NUCB2: variants seen among roughly 807,000 people sequenced by gnomAD.
The protein encoded by NUCB2 is nucleobindin 2.
Under a neutral mutation model 57.9 loss-of-function variants are expected in NUCB2, and 48 were observed. The ratio of observed to expected loss-of-function variants is 0.83; its 90% CI spans 0.66 to 1.05. The LOEUF (loss-of-function observed/expected upper bound fraction) is 1.05, where lower values mean the gene tolerates loss of function less well. NUCB2 is among the 50% of genes least tolerant of loss of function. The probability of loss-of-function intolerance (pLI) is 0.00; values close to 1 mark genes in which losing one functional copy is unlikely to be tolerated. For synonymous variants in NUCB2, 139 were observed against 152.1 expected (o/e 0.91, Z 0.64); for missense variants, 442 against 476.2 (o/e 0.93, Z 0.67).
intron 11 of NUCB2, among the ~76,000 whole-genome samples, chr11:17,319,287 G>C (rs1028586140): frequency 1.3e-5 from 2 of 152,138 alleles, no homozygotes; most frequent in African/African-American, 4.8e-5. Context: ...AATTGTCCCA[G>C]ACTTGGCCAG....
At chr11:17,345,749 C>T (rs959566978) in intron 2 of NUCB2, among the ~76,000 whole-genome samples, 3 of 152,014 alleles carry the variant, frequency 2.0e-5, no homozygotes, top group South Asian at 4.1e-4. Flanking sequence ...GGGCTGAAAA[C>T]GTTATTTTTA....
At chr11:17,299,779 C>G (rs1308744554) in intron 4 of NUCB2, among the ~76,000 whole-genome samples, 1 of 152,034 alleles carries the variant, frequency 6.6e-6, no homozygotes, top group African/African-American at 2.4e-5. Flanking sequence ...TGGCATGCAT[C>G]TGTAGTCCTA....
intron 1 of NUCB2, among the ~76,000 whole-genome samples, chr11:17,280,570 C>T (rs897411214): frequency 1.3e-5 from 2 of 152,318 alleles, no homozygotes; most frequent in Admixed American, 6.5e-5. Flanking sequence ...AAGCAATCCA[C>T]GTTTCCTAGC....
At chr11:17,321,371 G>A (rs1162860924) in intron 11 of NUCB2, among the ~76,000 whole-genome samples, 2 of 151,888 alleles carry the variant, frequency 1.3e-5, no homozygotes, top group Admixed American at 1.3e-4. Flanking sequence ...TCTGTGCCTG[G>A]CTTATTTCAC....
In NUCB2 at chr11:17,295,418, C is replaced by T; in HGVS notation, c.95C>T (p.Thr32Ile). ...LEAVPIDIDK[T>I]KVQNIHPVES... ...GCTGTGCCTATTGACATAGACAAGA[C>T]AAAAGTACAAAATATTCACCCTGTG... Residue 32 changes from threonine to isoleucine, a missense_variant, in exon 3 of 14, where the codon ACA (threonine) becomes ATA (isoleucine). Physicochemically the swap from Thr to Ile is moderately conservative, Grantham distance 89. Coordinates refer to ENST00000529010, the MANE Select transcript of NUCB2 (RefSeq NM_005013.4). The T allele has an allele frequency of 1.2e-6, 2 of 1,612,702 alleles. No homozygotes were observed. Among genetic ancestry groups the T allele is most frequent in the Non-Finnish European group, 1.7e-6 (2 of 1,179,560 alleles).
At chr11:17,291,218 G>A (rs1029406491) in intron 2 of NUCB2, 4 of 151,984 alleles carry the variant, frequency 2.6e-5, no homozygotes, top group African/African-American at 9.7e-5. Context: ...AATCAGTTCT[G>A]TTGTATTTTA....
At chr11:17,327,500 A>G (rs541397969) in intron 11 of NUCB2, among the ~76,000 whole-genome samples, 48 of 152,260 alleles carry the variant, frequency 3.2e-4, no homozygotes, top group South Asian at 1.7e-3. Context: ...TATTCCTTTG[A>G]ATAAACTTTC....
chr11:17,317,782 C>T (rs1949455195), intron 11 of NUCB2: 1 of 186,970 alleles, frequency 5.3e-6, no homozygotes, highest in African/African-American at 2.3e-5. Flanking sequence ...TTTTACCTTT[C>T]ACATTTTAAA....
intron 13 of NUCB2, 47 bp downstream of exon 13, chr11:17,331,030 A>G (rs1951330889): frequency 1.9e-6 from 2 of 1,067,808 alleles, no homozygotes; most frequent in Non-Finnish European, 2.8e-6. Context: ...AAATTATTTT[A>G]TCAATTGAAA....
Position 17,310,861 on chromosome 11 carries a change from C to A in NUCB2, c.520C>A (p.His174Asn), listed in dbSNP as rs1460661501. 1 of 1,590,370 alleles carries A rather than the reference C, an allele frequency of 6.3e-7. No homozygotes were observed. Among genetic ancestry groups the A allele is most frequent in the South Asian group, 1.2e-5 (1 of 85,102 alleles). Residue 174 changes from histidine (H) to asparagine (N), a missense_variant, in exon 7 of 14, where the codon CAT (histidine) becomes AAT (asparagine). Physicochemically the swap from His to Asn is moderately conservative, Grantham distance 68 (BLOSUM62 1). Coordinates refer to ENST00000529010, the MANE Select transcript of NUCB2 (RefSeq NM_005013.4). ...SDLEHYDKTR[H>N]EEFKKYEMMK... ...TCTGGAACACTATGACAAGACTCGT[C>A]ATGAAGAATTTAAAAAATATGAAAT... is the stretch of plus-strand genomic sequence containing the variant.
At chr11:17,331,084 TG>T (rs1565474849) in intron 13 of NUCB2, 101 bp downstream of exon 13, 1 of 860,746 alleles carries the variant, frequency 1.2e-6, no homozygotes, top group Non-Finnish European at 1.8e-6. Context: ...TAAGATGTTA[TG>T]TTATTTTTTG....
In NUCB2 at chr11:17,310,894, G is replaced by A. The variant is rs760167163; in HGVS notation, c.553G>A (p.Glu185Lys). 1 of 1,595,142 alleles carries A rather than the reference G, an allele frequency of 6.3e-7. No homozygotes were observed. The highest frequency in any genetic ancestry group is 1.2e-5 in the South Asian group (1 of 86,480). Residue 185 changes from glutamate (E) to lysine (K), a missense_variant, in exon 7 of 14, where the codon GAA becomes AAA. Transcript: ENST00000529010. ...EEFKKYEMMK[E>K]HERREYLKTL... ...ATTTAAAAAATATGAAATGATGAAG[G>A]AACATGAAAGGAGAGAATATTTAAA...
intron 2 of NUCB2, among the ~76,000 whole-genome samples, chr11:17,344,709 A>AT (rs1260867031): frequency 6.6e-6 from 1 of 152,226 alleles, no homozygotes; most frequent in African/African-American, 2.4e-5. Flanking sequence ...AGGTGACTAT[A>AT]TTAAAACAGG....
chr11:17,310,009 C>G (rs556979775), intron 6 of NUCB2, among the ~76,000 whole-genome samples: 7 of 152,252 alleles, frequency 4.6e-5, no homozygotes, highest in African/African-American at 1.4e-4. Flanking sequence ...ATTACAGATG[C>G]TACAGGGATA....
intron 11 of NUCB2, among the ~76,000 whole-genome samples, chr11:17,321,728 G>A (rs1278755825): frequency 6.6e-6 from 1 of 152,076 alleles, no homozygotes; most frequent in Non-Finnish European, 1.5e-5. Flanking sequence ...CAGTGTACGA[G>A]GGTTCTTTTT....
chr11:17,300,755 A>G (rs1946570976), intron 4 of NUCB2, among the ~76,000 whole-genome samples: 1 of 152,280 alleles, frequency 6.6e-6, no homozygotes, highest in East Asian at 1.9e-4. Flanking sequence ...TTGTGTTAAC[A>G]TGTTTTCTGT....
At chr11:17,324,963 G>A (rs1005979794) in intron 11 of NUCB2, among the ~76,000 whole-genome samples, 2 of 151,650 alleles carry the variant, frequency 1.3e-5, no homozygotes, top group African/African-American at 2.4e-5. Context: ...CACAACGCCC[G>A]GCTAATTTTT....
At position 17,309,624 on chromosome 11, in the gene NUCB2, C is replaced by T; in HGVS notation, c.432C>T (p.His144=). ...TAAAACAATTTGATCACCTAAACCA[C>T]CTGAATCCTGACAAGTTTGAATCCA... The part of the protein sequence containing the change: ...ALLKQFDHLN[H]LNPDKFESTD... Residue 144 remains histidine, a synonymous_variant, in exon 6 of 14, where the codon CAC becomes CAT. Transcript: ENST00000529010. 1.2e-6 allele frequency: 2 copies of T among 1,606,964 alleles called. No homozygotes were observed. Among genetic ancestry groups the T allele is most frequent in the Non-Finnish European group, 1.7e-6 (2 of 1,177,476 alleles).
Position 17,310,919 on chromosome 11 carries a change from A to C in NUCB2, c.578A>C (p.Lys193Thr). 1 of 1,593,550 alleles carries C rather than the reference A, an allele frequency of 6.3e-7. No individual in the cohort carries two copies. ...GAACATGAAAGGAGAGAATATTTAA[A>C]AACATTGAATGAAGAAAAGAGAAAA... Reference protein sequence around the residue: ...MKEHERREYLKTLNEEKRKEE... With the variant: ...MKEHERREYLTTLNEEKRKEE... Residue 193 changes from lysine (K) to threonine (T), a missense_variant, in exon 7 of 14, where the codon AAA becomes ACA. Coordinates refer to ENST00000529010, the MANE Select transcript of NUCB2 (RefSeq NM_005013.4).
Sources: allele counts gnomAD v4.1 joint callset (sites outside exome capture counted in the v4.1 genomes callset), GRCh38; gene constraint gnomAD v4.1.1; transcripts MANE v1.5; gene names NCBI Gene and HGNC (gene_info 2026-07-23, HGNC 2026-07-21).